The following IFT80 variants were observed in gnomAD, a reference collection of about 807,000 sequenced individuals.
IFT80 encodes intraflagellar transport protein 80 homolog.
A neutral mutation model predicts 107.9 loss-of-function variants in IFT80; 79 were observed. The observed-to-expected ratio is 0.73, with a 90% CI of 0.61 to 0.88. The LOEUF (loss-of-function observed/expected upper bound fraction) is 0.88. Among genes scored for constraint, IFT80 ranks in the 40% least tolerant of loss-of-function variants. The pLI is 0.00. For missense variants in IFT80, 797 were observed against 914.2 expected, an observed-to-expected ratio of 0.87 and a Z score of 1.65; for synonymous variants, 299 against 300.9, an observed-to-expected ratio of 0.99 and a Z score of 0.07.
intron 2 of IFT80, among the ~76,000 whole-genome samples, chr3:160,382,202 CA>C (rs1712570270): frequency 6.6e-6 from 1 of 152,208 alleles, no homozygotes; most frequent in Non-Finnish European, 1.5e-5. Flanking sequence ...AGTGTCAAAA[CA>C]AGACTGAAAT....
At chr3:160,383,204 A>G (rs920825138) in intron 2 of IFT80, among the ~76,000 whole-genome samples, 2 of 152,244 alleles carry the variant, frequency 1.3e-5, no homozygotes, top group East Asian at 3.8e-4. Flanking sequence ...TATCGTAGAA[A>G]TGAGAAGACT....
intron 6 of IFT80, among the ~76,000 whole-genome samples, chr3:160,364,088 A>C (rs1463676399): frequency 6.6e-6 from 1 of 152,196 alleles, no homozygotes; most frequent in African/African-American, 2.4e-5. Flanking sequence ...AATGGGAGAA[A>C]ATTTTTGCAA....
intron 17 of IFT80, 27 bp from the exon 18 acceptor site, chr3:160,277,505 GTAGA>G: frequency 6.3e-7 from 1 of 1,575,466 alleles, no homozygotes; most frequent in Non-Finnish European, 8.7e-7. Flanking sequence ...AAATATTGAA[GTAGA>G]TAGTAACAGA....
chr3:160,397,585 A>AT (rs1270803138), intron 1 of IFT80, among the ~76,000 whole-genome samples: 1 of 152,188 alleles, frequency 6.6e-6, no homozygotes, highest in African/African-American at 2.4e-5. Context: ...TACTCTCAAG[A>AT]TTGACAAACT....
intron 6 of IFT80, among the ~76,000 whole-genome samples, chr3:160,359,190 AGT>A (rs1363461726): frequency 6.6e-6 from 1 of 152,182 alleles, no homozygotes; most frequent in African/African-American, 2.4e-5. Flanking sequence ...TTATACTTTA[AGT>A]CCTGTTTCTC....
chr3:160,282,495 T>C lies in IFT80; in HGVS notation c.1499A>G (p.Glu500Gly), dbSNP rs554335278. 286 of 1,591,200 alleles carry C rather than the reference T, an allele frequency of 1.8e-4. 6 individuals carry two copies. The South Asian group carries it at 3.1e-3, about 17-fold the overall frequency. The change falls in exon 14 of 20, where the codon GAA becomes GGA. Residue 500 changes from glutamate (E) to glycine (G), a missense_variant. Glu to Gly is a moderately conservative substitution (Grantham distance 98). Transcript: ENST00000326448. ...TATTTTACCAAGCTTGATAATTTGTTCTTCCTTCCCAAATCGTTTCACAGA... is the reference window on the plus strand; with the variant it reads ...TATTTTACCAAGCTTGATAATTTGTCCTTCCTTCCCAAATCGTTTCACAGA... ...ITSVKRFGKE[E>G]QIIKLGTMVH... is the part of the protein sequence containing the mutation.
Position 160,375,845 on chromosome 3 carries a change from T to C in IFT80, c.406A>G (p.Thr136Ala), listed in dbSNP as rs1302249934. 9 of 1,611,934 alleles carry C rather than the reference T, an allele frequency of 5.6e-6. No individual in the cohort carries two copies. The highest frequency in any genetic ancestry group is 7.6e-6 in the Non-Finnish European group (9 of 1,178,662). Residue 136 changes from threonine (T) to alanine (A), a missense_variant, in exon 5 of 20, where the codon ACT becomes GCT. By Grantham distance (58) the Thr-to-Ala change is moderately conservative. Coordinates refer to ENST00000326448, the MANE Select transcript of IFT80 (RefSeq NM_020800.3). Reference sequence around the variant, plus strand: ...GCTAAAGTTGATCTAAGCATCCCAGTCTTTGACCAAATTTTTATTTGTCCA... The same window carrying C: ...GCTAAAGTTGATCTAAGCATCCCAGCCTTTGACCAAATTTTTATTTGTCCA... ...EDGQIKIWSKTGMLRSTLAQQ... is the reference protein window; with the variant it reads ...EDGQIKIWSKAGMLRSTLAQQ...
At chr3:160,317,052 T>C (rs1033585623) in intron 9 of IFT80, among the ~76,000 whole-genome samples, 2 of 152,240 alleles carry the variant, frequency 1.3e-5, no homozygotes, top group Admixed American at 6.5e-5. Context: ...TACAGCTGAA[T>C]TTATGAAAAA....
At chr3:160,356,474 T>C (rs1386426195) in intron 7 of IFT80, among the ~76,000 whole-genome samples, 1 of 152,198 alleles carries the variant, frequency 6.6e-6, no homozygotes, top group Non-Finnish European at 1.5e-5. Flanking sequence ...TTTTAAGTCC[T>C]TTTAAATATA....
chr3:160,355,649 A>T (rs1241688984), intron 8 of IFT80, among the ~76,000 whole-genome samples: 1 of 152,212 alleles, frequency 6.6e-6, no homozygotes, highest in Non-Finnish European at 1.5e-5. Context: ...TTGACAGCAA[A>T]AAAAAAATAA....
At chr3:160,322,083 G>A (rs922281757) in intron 8 of IFT80, among the ~76,000 whole-genome samples, 1 of 150,812 alleles carries the variant, frequency 6.6e-6, no homozygotes, top group African/African-American at 2.4e-5. Flanking sequence ...TGTGCATAAT[G>A]TGCAGGTTAG....
chr3:160,370,305 TAAC>T (rs1262464717), intron 5 of IFT80, among the ~76,000 whole-genome samples: 1 of 152,142 alleles, frequency 6.6e-6, no homozygotes, highest in African/African-American at 2.4e-5. Flanking sequence ...CACTATCTGT[TAAC>T]TACTACAAAT....
At chr3:160,327,294 T>C (rs900345540) in intron 8 of IFT80, among the ~76,000 whole-genome samples, 10 of 152,206 alleles carry the variant, frequency 6.6e-5, no homozygotes, top group Non-Finnish European at 8.8e-5. Context: ...TAAACTACCA[T>C]TGATATTCTT....
At chr3:160,386,501 T>C (rs1466241385) in intron 1 of IFT80, among the ~76,000 whole-genome samples, 1 of 152,186 alleles carries the variant, frequency 6.6e-6, no homozygotes, top group Admixed American at 6.5e-5. Context: ...AGGGAGCAAG[T>C]AGCAGCAACC....
chr3:160,321,472 A>T (rs1310550615), intron 8 of IFT80, among the ~76,000 whole-genome samples: 1 of 151,992 alleles, frequency 6.6e-6, no homozygotes, highest in Non-Finnish European at 1.5e-5. Context: ...AAAACCATAC[A>T]TTCATATAAC....
At chr3:160,307,881 T>C in intron 9 of IFT80, 100 bp from the exon 10 acceptor site, 1 of 705,156 alleles carries the variant, frequency 1.4e-6, no homozygotes, top group African/African-American at 1.8e-5. Context: ...TTAAATGCAC[T>C]ACTGATTACC....
chr3:160,293,741 A>C (rs1715754350), intron 12 of IFT80, among the ~76,000 whole-genome samples: 1 of 152,204 alleles, frequency 6.6e-6, no homozygotes, highest in Non-Finnish European at 1.5e-5. Context: ...AGAAAGACCA[A>C]TCTCATGTTC....
intron 19 of IFT80, among the ~76,000 whole-genome samples, chr3:160,264,164 C>T (rs1488175017): frequency 1.5e-4 from 22 of 150,632 alleles, no homozygotes. Flanking sequence ...GGTTGGAGTG[C>T]AGTGGCGTGA....
intron 13 of IFT80, among the ~76,000 whole-genome samples, chr3:160,283,548 A>T (rs1479153340): frequency 2.0e-5 from 3 of 152,202 alleles, no homozygotes; most frequent in Non-Finnish European, 2.9e-5. Flanking sequence ...CATAATTTAT[A>T]TTTTAAGAAA....
Sources: gnomAD v4.1 joint callset for allele counts (sites outside exome capture counted in the v4.1 genomes callset) on GRCh38, gnomAD v4.1.1 for gene constraint, MANE v1.5 for transcripts, NCBI Gene and HGNC (gene_info 2026-07-23, HGNC 2026-07-21) for gene names.